Variants in NPSR1 observed in about 807,000 individuals in gnomAD.
The protein encoded by NPSR1 is neuropeptide S receptor 1.
A neutral mutation model predicts 46.9 loss-of-function variants in NPSR1; 48 were observed. That is an observed-to-expected ratio of 1.02 (90% CI 0.81 to 1.30). The LOEUF (loss-of-function observed/expected upper bound fraction) is 1.30, where lower values mean the gene tolerates loss of function less well. Among genes scored for constraint, NPSR1 ranks in the 50% most tolerant of loss-of-function variants. NPSR1 has a pLI of 0.00. For missense variants in NPSR1, 450 were observed against 449.5 expected, an observed-to-expected ratio of 1.00 and a Z score of -0.01; for synonymous variants, 176 against 168.1, an observed-to-expected ratio of 1.05 and a Z score of -0.36.
rs563217698 is a variant in NPSR1, at chr7:34,707,775, G to C, written c.280+23091G>C. ...TCTCATCCTAAGCCTTGCTCCCAAGGCTGGTTATAGGATGCTGTATTAGTT... is the reference window on the plus strand; with the variant it reads ...TCTCATCCTAAGCCTTGCTCCCAAGCCTGGTTATAGGATGCTGTATTAGTT... On this transcript the variant is annotated intron_variant, in intron 2 of 8. Transcript: ENST00000360581. 3.3e-5 allele frequency among the ~76,000 whole-genome samples: 5 copies of C among 152,310 alleles called. No homozygotes were observed. The South Asian group carries it at 8.3e-4, about 25-fold the overall frequency.
intron 2 of NPSR1, among the ~76,000 whole-genome samples, chr7:34,727,731 T>C (rs185376342): frequency 1.3e-5 from 2 of 152,344 alleles, no homozygotes. Flanking sequence ...ATCTCACAGA[T>C]CATTTTTATT....
chr7:34,658,563 A>T lies in NPSR1; in HGVS notation c.147+4A>T. On this transcript the variant is annotated splice_donor_region_variant and intron_variant, in intron 1 of 8. Transcript: ENST00000360581. The stretch of plus-strand genomic sequence containing the variant: ...TTCCTTCTACTACTCCTTTAAGGTA[A>T]GTTTCTTGCCTGCGACTCTGAACAC... 1 of 1,613,822 alleles carries T rather than the reference A, an allele frequency of 6.2e-7. No homozygotes were observed. The highest frequency in any genetic ancestry group is 1.1e-5 in the South Asian group (1 of 91,070).
rs2128767240 is a variant in NPSR1 at position 34,857,742 on chromosome 7, TA to T, written c.1025+9084del. Among the ~76,000 whole-genome samples, 3 of 151,456 alleles carry T rather than the reference TA, an allele frequency of 2.0e-5. 1 individual carries two copies. The South Asian group carries it at 6.3e-4, about 32-fold the overall frequency. On this transcript the variant is annotated intron_variant, in intron 8 of 8. Transcript: ENST00000359791. Reference sequence around the variant, plus strand: ...GAAATTTCTGTTCATCAAAATATATTAAAAATGTGAAAAGACAAGCTATAGA... The same window carrying T: ...GAAATTTCTGTTCATCAAAATATATTAAAATGTGAAAAGACAAGCTATAGA...
chr7:34,661,645 T>G (rs1270709348), intron 1 of NPSR1, among the ~76,000 whole-genome samples: 1 of 152,188 alleles, frequency 6.6e-6, no homozygotes, highest in African/African-American at 2.4e-5. Flanking sequence ...TTCCTAAGCA[T>G]GTGAGGCTCT....
intron 8 of NPSR1, among the ~76,000 whole-genome samples, chr7:34,870,144 C>T (rs767474609): frequency 3.3e-5 from 5 of 152,030 alleles, no homozygotes; most frequent in African/African-American, 9.7e-5. Context: ...CTCAAGAGGG[C>T]GAGCAGACTC....
Position 34,862,775 on chromosome 7 carries a change from C to G in NPSR1, c.1025+14112C>G, listed in dbSNP as rs539792391. Reference sequence around the variant, plus strand: ...AATATAAGTGGGGTGACCATACACACCAATGCACCCAAGACAGTCCAGGTT... The same window carrying G: ...AATATAAGTGGGGTGACCATACACAGCAATGCACCCAAGACAGTCCAGGTT... On this transcript the variant is annotated intron_variant, in intron 8 of 8. Transcript: ENST00000359791. Among the ~76,000 whole-genome samples, 30 of 151,870 alleles carry G rather than the reference C, an allele frequency of 2.0e-4. 2 individuals carry two copies. The highest frequency in any genetic ancestry group is 7.0e-4 in the African/African-American group (29 of 41,148).
At chr7:34,703,737 T>G (rs1793964718) in intron 2 of NPSR1, 2 of 152,604 alleles carry the variant, frequency 1.3e-5, no homozygotes, top group Admixed American at 1.3e-4. Flanking sequence ...TCTTAGAATT[T>G]CCATTCTAAC....
rs141336503 is a variant in NPSR1 at position 34,868,003 on chromosome 7, A to G, written c.1026-10073A>G. Among the ~76,000 whole-genome samples, 34 of 152,006 alleles carry G rather than the reference A, an allele frequency of 2.2e-4. 1 individual carries two copies. The highest frequency in any genetic ancestry group is 8.0e-4 in the African/African-American group (33 of 41,250). On this transcript the variant is annotated intron_variant, in intron 8 of 8. Coordinates refer to the NPSR1 transcript ENST00000359791. ...ATATTGAAGTATCTGAGTCTCCCCA[A>G]AAACAATGACATTAGGGAGGAAATC...
chr7:34,750,883 G>T, intron 2 of NPSR1: 1 of 709,496 alleles, frequency 1.4e-6, no homozygotes, highest in Non-Finnish European at 2.7e-6. Context: ...GAGAAGAACT[G>T]CTTCATAATG....
At chr7:34,738,569 T>C (rs1028707179) in intron 2 of NPSR1, among the ~76,000 whole-genome samples, 1 of 152,106 alleles carries the variant, frequency 6.6e-6, no homozygotes, top group Non-Finnish European at 1.5e-5. Context: ...TTTGGCTTCT[T>C]TTTTTTCTTG....
chr7:34,811,266 G>A (rs143179544), intron 3 of NPSR1, among the ~76,000 whole-genome samples: 4 of 152,240 alleles, frequency 2.6e-5, no homozygotes, highest in Non-Finnish European at 4.4e-5. Context: ...ATGGGGAACT[G>A]GAAGGGGGAT....
intron 2 of NPSR1, among the ~76,000 whole-genome samples, chr7:34,761,570 C>T (rs903251095): frequency 6.6e-6 from 1 of 152,094 alleles, no homozygotes; most frequent in African/African-American, 2.4e-5. Context: ...TTTTTTGTTA[C>T]AATTTACCAC....
chr7:34,719,127 G>C (rs1235339903), intron 2 of NPSR1: 1 of 152,474 alleles, frequency 6.6e-6, no homozygotes, highest in African/African-American at 2.4e-5. Flanking sequence ...AGTTTATCTG[G>C]AGCTAATGGC....
chr7:34,853,643 T>G (rs1790988096), downstream of NPSR1, among the ~76,000 whole-genome samples: 2 of 152,180 alleles, frequency 1.3e-5, no homozygotes, highest in African/African-American at 4.8e-5. Flanking sequence ...TCCAAAGCTG[T>G]TCCAAGGAGG....
chr7:34,674,034 T>C (rs1349708007), intron 1 of NPSR1, among the ~76,000 whole-genome samples: 4 of 152,090 alleles, frequency 2.6e-5, no homozygotes, highest in African/African-American at 9.7e-5. Context: ...GAGACAGATT[T>C]TAAAAAGGGG....
chr7:34,685,325 AG>A (rs1206705308), intron 2 of NPSR1, among the ~76,000 whole-genome samples: 1 of 152,170 alleles, frequency 6.6e-6, no homozygotes, highest in Non-Finnish European at 1.5e-5. Flanking sequence ...ACATGAGTAG[AG>A]CTCATGTTCA....
intron 2 of NPSR1, among the ~76,000 whole-genome samples, chr7:34,730,945 A>G (rs1396288534): frequency 1.3e-5 from 2 of 152,198 alleles, no homozygotes; most frequent in Non-Finnish European, 2.9e-5. Flanking sequence ...GGCAGGAGAG[A>G]ATATAGTAAA....
At chr7:34,792,222 C>T (rs1459236823) in intron 3 of NPSR1, among the ~76,000 whole-genome samples, 1 of 151,732 alleles carries the variant, frequency 6.6e-6, no homozygotes, top group East Asian at 1.9e-4. Context: ...AGTGGGACAA[C>T]ATTAAACTAA....
intron 2 of NPSR1, among the ~76,000 whole-genome samples, chr7:34,715,640 G>A (rs1783524250): frequency 1.3e-5 from 2 of 152,226 alleles, no homozygotes; most frequent in African/African-American, 4.8e-5. Flanking sequence ...TGTGAGTTTG[G>A]AGGCCACGTG....
Sources: gnomAD v4.1 joint callset for allele counts (sites outside exome capture counted in the v4.1 genomes callset) on GRCh38, gnomAD v4.1.1 for gene constraint, MANE v1.5 for transcripts, NCBI Gene and HGNC (gene_info 2026-07-23, HGNC 2026-07-21) for gene names.